Variants in TBC1D4 observed in about 807,000 individuals in gnomAD.
TBC1D4 encodes TBC1 domain family member 4, also known as TBC (Tre-2, BUB2, CDC16) domain-containing protein.
Under a neutral mutation model 142.5 loss-of-function variants are expected in TBC1D4, and 121 were observed. The ratio of observed to expected loss-of-function variants is 0.85; its 90% CI spans 0.73 to 0.99. The LOEUF (loss-of-function observed/expected upper bound fraction) is 0.99, where lower values mean the gene tolerates loss of function less well. TBC1D4 is among the 50% of genes least tolerant of loss of function. TBC1D4 has a pLI of 0.00. For synonymous variants in TBC1D4, 630 were observed against 628.2 expected, an observed-to-expected ratio of 1.00 and a Z score of -0.04; for missense variants, 1,475 against 1,606.6, an observed-to-expected ratio of 0.92 and a Z score of 1.40.
At chr13:75,419,988 A>G (rs1339421896) in intron 1 of TBC1D4, among the ~76,000 whole-genome samples, 1 of 152,248 alleles carries the variant, frequency 6.6e-6, no homozygotes, top group Non-Finnish European at 1.5e-5. Flanking sequence ...TTAAAGGAAG[A>G]GCAGGATGTC....
At chr13:75,291,071 C>A (rs914550124) in intron 19 of TBC1D4, among the ~76,000 whole-genome samples, 3 of 152,170 alleles carry the variant, frequency 2.0e-5, no homozygotes, top group African/African-American at 7.2e-5. Flanking sequence ...TCACCTGGTC[C>A]CTATGAAGAG....
intron 1 of TBC1D4, among the ~76,000 whole-genome samples, chr13:75,426,603 A>G (rs967439796): frequency 3.9e-4 from 59 of 152,318 alleles, no homozygotes; most frequent in East Asian, 1.9e-4. Flanking sequence ...TCAATTTCTT[A>G]CCTGCAGGAG....
chr13:75,284,956 T>C lies in TBC1D4; in HGVS notation c.*1836A>G, dbSNP rs1874538475. Reference sequence around the variant, plus strand: ...GAACTTCCCCAACAGATTCCTTGGCTACCATCGGTGCATCACACCCATAAA... The same window carrying C: ...GAACTTCCCCAACAGATTCCTTGGCCACCATCGGTGCATCACACCCATAAA... On this transcript the variant is annotated 3_prime_UTR_variant, in exon 21 of 21. Coordinates refer to ENST00000377636, the MANE Select transcript of TBC1D4 (RefSeq NM_014832.5). 3 of 152,100 alleles carry C rather than the reference T, an allele frequency of 2.0e-5. No individual in the cohort carries two copies. Among genetic ancestry groups the C allele is most frequent in the Admixed American group, 1.3e-4 (2 of 15,270 alleles). 9.4% of individuals were successfully genotyped at this position (152,100 alleles called of 1,614,324 possible).
At chr13:75,343,560 CG>C (rs1326325633) in intron 5 of TBC1D4, among the ~76,000 whole-genome samples, 2 of 151,272 alleles carry the variant, frequency 1.3e-5, no homozygotes, top group African/African-American at 4.9e-5. Context: ...TCTCGTTGCC[CG>C]GGCTGGAGTG....
intron 1 of TBC1D4, among the ~76,000 whole-genome samples, chr13:75,429,862 T>A (rs576711417): frequency 2.2e-4 from 33 of 152,276 alleles, no homozygotes; most frequent in African/African-American, 7.9e-4. Context: ...CCATAGGACT[T>A]TCAGAGCATA....
intron 1 of TBC1D4, among the ~76,000 whole-genome samples, chr13:75,402,047 T>C (rs1593846219): frequency 1.3e-5 from 2 of 152,290 alleles, no homozygotes; most frequent in Admixed American, 1.3e-4. Context: ...AATGCAAAGC[T>C]GTATTAACTG....
At chr13:75,450,469 A>ATG (rs1887489239) in intron 1 of TBC1D4, among the ~76,000 whole-genome samples, 1 of 152,178 alleles carries the variant, frequency 6.6e-6, no homozygotes, top group Non-Finnish European at 1.5e-5. Flanking sequence ...ATACATGCAG[A>ATG]TATGTTTTCT....
intron 4 of TBC1D4, among the ~76,000 whole-genome samples, chr13:75,351,609 C>T (rs954561587): frequency 6.8e-6 from 1 of 146,114 alleles, no homozygotes; most frequent in African/African-American, 2.5e-5. Flanking sequence ...GTGATGTTCC[C>T]CTTCCTGTGT....
chr13:75,350,610 C>T (rs543868071), intron 4 of TBC1D4, among the ~76,000 whole-genome samples: 267 of 152,210 alleles, frequency 1.8e-3, no homozygotes, highest in Non-Finnish European at 2.5e-3. Flanking sequence ...GCCTTGTTAA[C>T]GCATTCAAAA....
chr13:75,292,644 A>T (rs561771027), intron 18 of TBC1D4, among the ~76,000 whole-genome samples: 2 of 152,218 alleles, frequency 1.3e-5, no homozygotes, highest in Admixed American at 1.3e-4. Flanking sequence ...ATAACCAATG[A>T]GTACTATTCA....
At chr13:75,452,900 C>A (rs754381491) in intron 1 of TBC1D4, among the ~76,000 whole-genome samples, 7 of 152,078 alleles carry the variant, frequency 4.6e-5, no homozygotes, top group Admixed American at 1.3e-4. Flanking sequence ...GATGAGGAAG[C>A]CTGAGGCGGC....
chr13:75,393,164 T>C (rs1208443402), intron 1 of TBC1D4, among the ~76,000 whole-genome samples: 1 of 146,576 alleles, frequency 6.8e-6, no homozygotes, highest in Non-Finnish European at 1.5e-5. Flanking sequence ...CACTCAGTCT[T>C]TGTTTGCTCT....
rs545916925 is a variant in TBC1D4, at chr13:75,348,484, T to C, written c.1408+686A>G. Among the ~76,000 whole-genome samples, 364 of 152,316 alleles carry C rather than the reference T, an allele frequency of 2.4e-3. 4 individuals carry two copies. The highest frequency in any genetic ancestry group is 8.5e-3 in the African/African-American group (352 of 41,570). ...CACATTGCCTGGTCCAGAGTAGACA[T>C]TTCACTAGTGTTTATTAAATTGTGT... On this transcript the variant is annotated intron_variant, in intron 5 of 20. Transcript: ENST00000377636.
At chr13:75,455,274 G>A (rs537050656) in intron 1 of TBC1D4, among the ~76,000 whole-genome samples, 2 of 152,124 alleles carry the variant, frequency 1.3e-5, no homozygotes, top group African/African-American at 2.4e-5. Flanking sequence ...CCCCCACTCC[G>A]TACACCTAGA....
chr13:75,324,552 A>C (rs374272599), intron 10 of TBC1D4, 151 bp from the exon 11 acceptor site: 274 of 892,534 alleles, frequency 3.1e-4, no homozygotes, highest in African/African-American at 5.6e-4. Context: ...AAAAAAGAAG[A>C]AGCATGCAGT....
chr13:75,379,758 C>T (rs1331186364), intron 1 of TBC1D4, among the ~76,000 whole-genome samples: 1 of 152,030 alleles, frequency 6.6e-6, no homozygotes, highest in Non-Finnish European at 1.5e-5. Flanking sequence ...TTTCACTCTC[C>T]TGGGTCAGCT....
At chr13:75,302,460 C>T in intron 15 of TBC1D4, 59 bp from the exon 16 acceptor site, 1 of 1,599,256 alleles carries the variant, frequency 6.3e-7, no homozygotes, top group Admixed American at 1.7e-5. Context: ...TTGATAGATC[C>T]CAGCTGATTC....
intron 1 of TBC1D4, among the ~76,000 whole-genome samples, chr13:75,472,283 C>G (rs1193664123): frequency 4.3e-5 from 6 of 140,602 alleles, no homozygotes; most frequent in East Asian, 4.4e-4. Flanking sequence ...GCTGGGTGTG[C>G]TGGCAGGCGC....
chr13:75,430,510 C>T (rs547918164), intron 1 of TBC1D4, among the ~76,000 whole-genome samples: 4 of 152,202 alleles, frequency 2.6e-5, no homozygotes, highest in Non-Finnish European at 5.9e-5. Context: ...AAGGGTCACA[C>T]TACCGGAATT....
Sources: allele counts gnomAD v4.1 joint callset (sites outside exome capture counted in the v4.1 genomes callset), GRCh38; gene constraint gnomAD v4.1.1; transcripts MANE v1.5; gene names NCBI Gene and HGNC (gene_info 2026-07-23, HGNC 2026-07-21).